The following NR3C2 variants were observed in gnomAD, a reference collection of about 807,000 sequenced individuals.
NR3C2 encodes the protein mineralocorticoid receptor.
NR3C2 carries 15 observed loss-of-function variants against 86.4 expected under a neutral mutation model. The ratio of observed to expected loss-of-function variants is 0.17; its 90% CI spans 0.12 to 0.27. The LOEUF (loss-of-function observed/expected upper bound fraction) is 0.27. NR3C2 is among the 10% of genes least tolerant of loss of function. NR3C2 has a pLI of 1.00. For missense variants in NR3C2, 960 were observed against 1,195.6 expected (o/e 0.80, Z 2.91); for synonymous variants, 458 against 450.5 (o/e 1.02, Z -0.21).
In NR3C2 at chr4:148,342,519, G is replaced by A. The variant is rs946707250; in HGVS notation, c.1758-82402C>T. On this transcript the variant is annotated intron_variant, in intron 2 of 8. Coordinates refer to ENST00000358102, the MANE Select transcript of NR3C2 (RefSeq NM_000901.5). ...GTGGCACAAAGTGAAACAATTCTGA[G>A]TATACACCTGTATTTCATATCTGAT... Among the ~76,000 whole-genome samples, 4 of 152,246 alleles carry A rather than the reference G, an allele frequency of 2.6e-5. No homozygotes were observed. In the East Asian group the frequency reaches 7.7e-4, roughly 29 times the overall value.
intron 3 of NR3C2, among the ~76,000 whole-genome samples, chr4:148,253,438 G>C (rs983756717): frequency 1.3e-5 from 2 of 152,198 alleles, no homozygotes; most frequent in African/African-American, 4.8e-5. Context: ...TAGAAGGAGA[G>C]AGACTAGTTA....
chr4:148,324,164 T>G (rs572845160), intron 2 of NR3C2, among the ~76,000 whole-genome samples: 4 of 152,226 alleles, frequency 2.6e-5, no homozygotes, highest in African/African-American at 9.6e-5. Flanking sequence ...CATCCTTAAC[T>G]GGATAAAGAG....
intron 2 of NR3C2, among the ~76,000 whole-genome samples, chr4:148,322,076 G>A (rs1393289337): frequency 4.6e-5 from 7 of 151,854 alleles, no homozygotes; most frequent in Non-Finnish European, 2.9e-5. Context: ...CAGGCCTGGT[G>A]GTGACAAAAT....
rs1216701011 is a variant in NR3C2, at chr4:148,435,262, T to C, written c.1599A>G (p.Ile533Met). Residue 533 changes from isoleucine (I) to methionine (M), a missense_variant, in exon 2 of 9, where the codon ATA becomes ATG. By Grantham distance (10) the Ile-to-Met change is conservative (BLOSUM62 1). Coordinates refer to ENST00000358102, the MANE Select transcript of NR3C2 (RefSeq NM_000901.5). Reference sequence around the variant, plus strand: ...GGTCTCTAGCCGATCGTGATAAAGATATTGTACCTTGAGCACCAATCCTGT... The same window carrying C: ...GGTCTCTAGCCGATCGTGATAAAGACATTGTACCTTGAGCACCAATCCTGT... The part of the protein sequence containing the change: ...FHYRIGAQGT[I>M]SLSRSARDQS... 1.2e-5 allele frequency: 19 copies of C among 1,614,060 alleles called. No homozygotes were observed. In the Admixed American group the frequency reaches 3.0e-4, roughly 25 times the overall value.
At chr4:148,426,987 G>A (rs140075421) in intron 2 of NR3C2, among the ~76,000 whole-genome samples, 14 of 149,690 alleles carry the variant, frequency 9.4e-5, no homozygotes, top group East Asian at 7.8e-4. Context: ...AGAGAATCTC[G>A]CTCTGTCACC....
chr4:148,154,504 A>G (rs761852309), intron 5 of NR3C2, 47 bp downstream of exon 5: 6 of 1,579,176 alleles, frequency 3.8e-6, no homozygotes, highest in East Asian at 2.2e-5. Flanking sequence ...AGTTGCCCAG[A>G]CTTGTTAAGT....
rs769084408 is a variant in NR3C2 at position 148,091,427 on chromosome 4, A to T, written c.2800-9928T>A. 5.3e-5 allele frequency among the ~76,000 whole-genome samples: 8 copies of T among 152,238 alleles called. No homozygotes were observed. In the South Asian group the frequency reaches 6.2e-4, roughly 12 times the overall value. On this transcript the variant is annotated intron_variant, in intron 8 of 8. Coordinates refer to ENST00000358102, the MANE Select transcript of NR3C2 (RefSeq NM_000901.5). ...TTAAGGTAGGGAGGCGCCACAGTGC[A>T]GAGCCCCATCTCAACTGGAAAAATC...
chr4:148,137,356 G>A (rs80321627), intron 6 of NR3C2, among the ~76,000 whole-genome samples: 1 of 152,088 alleles, frequency 6.6e-6, no homozygotes, highest in African/African-American at 2.4e-5. Flanking sequence ...ATCTCTCTCT[G>A]CCAAGGCAGC....
chr4:148,406,869 G>A (rs2126552197), intron 2 of NR3C2, among the ~76,000 whole-genome samples: 1 of 152,320 alleles, frequency 6.6e-6, no homozygotes, highest in East Asian at 1.9e-4. Context: ...CAGGATCAGT[G>A]TTAAAGTCTG....
At chr4:148,411,945 C>T (rs2126571775) in intron 2 of NR3C2, among the ~76,000 whole-genome samples, 1 of 152,320 alleles carries the variant, frequency 6.6e-6, no homozygotes, top group Non-Finnish European at 1.5e-5. Flanking sequence ...TAACGCTGCA[C>T]ATTTTAGGGA....
chr4:148,329,367 C>T (rs1210016853), intron 2 of NR3C2, among the ~76,000 whole-genome samples: 3 of 151,980 alleles, frequency 2.0e-5, no homozygotes, highest in African/African-American at 7.3e-5. Flanking sequence ...CATATATATA[C>T]ACAATGCACT....
chr4:148,098,236 T>G (rs1731380004), intron 8 of NR3C2, among the ~76,000 whole-genome samples: 1 of 152,258 alleles, frequency 6.6e-6, no homozygotes, highest in African/African-American at 2.4e-5. Context: ...TATATAACCT[T>G]GTTTTATGCA....
At chr4:148,269,644 C>A (rs1362853576) in intron 2 of NR3C2, among the ~76,000 whole-genome samples, 1 of 151,844 alleles carries the variant, frequency 6.6e-6, no homozygotes, top group East Asian at 1.9e-4. Context: ...CAACAAAAAA[C>A]CCCCCCAAAA....
At chr4:148,297,691 T>A (rs928794115) in intron 2 of NR3C2, among the ~76,000 whole-genome samples, 4 of 152,264 alleles carry the variant, frequency 2.6e-5, no homozygotes, top group South Asian at 2.1e-4. Context: ...TATCAGTATA[T>A]CTTAAATATT....
chr4:148,260,251 G>T, intron 2 of NR3C2, 134 bp from the exon 3 acceptor site: 1 of 1,120,064 alleles, frequency 8.9e-7, no homozygotes, highest in Non-Finnish European at 1.3e-6. Context: ...CATACTATGT[G>T]ACTTAGCAAA....
In NR3C2 at chr4:148,390,249, A is replaced by G. The variant is rs141044396; in HGVS notation, c.1757+44855T>C. On this transcript the variant is annotated intron_variant, in intron 2 of 8. Transcript: ENST00000358102. Reference sequence around the variant, plus strand: ...CTTCAAGTATACATTCCTTAAAAAAAAAAAGTCTGCAGGAAATATGCAAAA... The same window carrying G: ...CTTCAAGTATACATTCCTTAAAAAAGAAAAGTCTGCAGGAAATATGCAAAA... Among the ~76,000 whole-genome samples, 35 of 152,258 alleles carry G rather than the reference A, an allele frequency of 2.3e-4. No homozygotes were observed. The East Asian group carries it at 6.2e-3, about 27-fold the overall frequency.
intron 3 of NR3C2, among the ~76,000 whole-genome samples, chr4:148,199,211 A>G (rs2149806517): frequency 6.6e-6 from 1 of 152,170 alleles, no homozygotes; most frequent in Middle Eastern, 3.4e-3. Context: ...AGGCCTCTAG[A>G]TGAAAAGAGT....
At chr4:148,223,325 C>T (rs1042798871) in intron 3 of NR3C2, among the ~76,000 whole-genome samples, 1 of 152,198 alleles carries the variant, frequency 6.6e-6, no homozygotes, top group Non-Finnish European at 1.5e-5. Context: ...AGGAACCACT[C>T]GTTTGACCCT....
intron 4 of NR3C2, among the ~76,000 whole-genome samples, chr4:148,175,741 GA>G (rs1735345340): frequency 6.6e-6 from 1 of 152,108 alleles, no homozygotes; most frequent in African/African-American, 2.4e-5. Context: ...GAAACAGTTT[GA>G]ATTTTTACTT....
Sources: gnomAD v4.1 joint callset for allele counts (sites outside exome capture counted in the v4.1 genomes callset) on GRCh38, gnomAD v4.1.1 for gene constraint, MANE v1.5 for transcripts, NCBI Gene and HGNC (gene_info 2026-07-23, HGNC 2026-07-21) for gene names.